Variants in ADGRV1 observed in about 807,000 individuals in gnomAD.
ADGRV1 encodes the protein adhesion G protein-coupled receptor V1, also known as G-protein coupled receptor 98.
A neutral mutation model predicts 596.2 loss-of-function variants in ADGRV1; 359 were observed. That is an observed-to-expected ratio of 0.60 (90% CI 0.55 to 0.66). The LOEUF is 0.66. Ranked by LOEUF, ADGRV1 falls within the 30% of genes least tolerant of loss-of-function variation. ADGRV1 has a pLI of 0.00. For missense variants in ADGRV1, 7,274 were observed against 7,575.6 expected, an observed-to-expected ratio of 0.96 and a Z score of 1.48; for synonymous variants, 2,681 against 2,679.2, an observed-to-expected ratio of 1.00 and a Z score of -0.02.
At chr5:90,832,756 T>A (rs942549595) in intron 77 of ADGRV1, among the ~76,000 whole-genome samples, 1 of 152,186 alleles carries the variant, frequency 6.6e-6, no homozygotes, top group Non-Finnish European at 1.5e-5. Flanking sequence ...TCCATTTTTG[T>A]TTTGATTTGA....
chr5:90,788,278 T>G lies in ADGRV1; in HGVS notation c.13861T>G (p.Leu4621Val). 6.2e-7 allele frequency: 1 copy of G among 1,613,104 alleles called. No homozygotes were observed. Among genetic ancestry groups the G allele is most frequent in the Non-Finnish European group, 8.5e-7 (1 of 1,179,202 alleles). The change falls in exon 68 of 90, where the codon TTA (leucine) becomes GTA (valine). Residue 4621 changes from leucine (L) to valine (V), a missense_variant. By Grantham distance (32) the Leu-to-Val change is conservative (BLOSUM62 1). Around this residue, in one of 5 missense-constraint regions of ADGRV1, gnomAD observed 3,643 missense variants for 3,809.2 expected, o/e 0.96. Coordinates refer to ENST00000405460, the MANE Select transcript of ADGRV1 (RefSeq NM_032119.4). ...TCATCTTGTGAAAGGAGAAGCTAAATTAGACTCCAGAGCTAAAGATGTTAC... is the reference window on the plus strand; with the variant it reads ...TCATCTTGTGAAAGGAGAAGCTAAAGTAGACTCCAGAGCTAAAGATGTTAC... The part of the protein sequence containing the change: ...KLHLVKGEAK[L>V]DSRAKDVTLT...
At chr5:91,152,487 A>G (rs1219885003) in intron 88 of ADGRV1, among the ~76,000 whole-genome samples, 1 of 152,212 alleles carries the variant, frequency 6.6e-6, no homozygotes, top group Non-Finnish European at 1.5e-5. Context: ...ACCAAAAAAA[A>G]GTATTTATTG....
chr5:90,989,870 G>A (rs1163877811), intron 85 of ADGRV1, among the ~76,000 whole-genome samples: 1 of 152,128 alleles, frequency 6.6e-6, no homozygotes, highest in Admixed American at 6.6e-5. Context: ...GGGCTGGAGT[G>A]CAATGGCGTG....
At chr5:90,629,004 C>T (rs1319136599) in intron 8 of ADGRV1, 172 bp downstream of exon 8, 4 of 708,518 alleles carry the variant, frequency 5.6e-6, no homozygotes, top group African/African-American at 3.6e-5. Context: ...AATATTTTAC[C>T]CTCTAAAAAA....
intron 81 of ADGRV1, among the ~76,000 whole-genome samples, chr5:90,854,759 G>A (rs1766863367): frequency 6.6e-6 from 1 of 152,168 alleles, no homozygotes; most frequent in African/African-American, 2.4e-5. Context: ...TGCAGGATCA[G>A]GCAGTGCTGG....
chr5:90,644,097 T>G (rs1767368523), intron 14 of ADGRV1, 114 bp downstream of exon 14: 1 of 756,406 alleles, frequency 1.3e-6, no homozygotes, highest in South Asian at 2.4e-5. Context: ...GCCTTAGAAA[T>G]TACACATAGT....
intron 67 of ADGRV1, among the ~76,000 whole-genome samples, chr5:90,784,374 A>G (rs1759194165): frequency 6.6e-6 from 1 of 152,198 alleles, no homozygotes; most frequent in Non-Finnish European, 1.5e-5. Context: ...ATACTGAGGA[A>G]CTAGATAGAC....
At chr5:90,972,347 C>T (rs1176337077) in intron 84 of ADGRV1, among the ~76,000 whole-genome samples, 11 of 152,224 alleles carry the variant, frequency 7.2e-5, no homozygotes, top group African/African-American at 2.2e-4. Context: ...CTGCACCAAG[C>T]GGATCTAATA....
chr5:90,779,760 C>T (rs1462452724), intron 64 of ADGRV1: 1 of 152,142 alleles, frequency 6.6e-6, no homozygotes, highest in Non-Finnish European at 1.5e-5. Context: ...AGAGACCTAC[C>T]AGCATCTCTG....
intron 1 of ADGRV1, among the ~76,000 whole-genome samples, chr5:90,591,523 AG>A (rs1439173610): frequency 1.1e-4 from 17 of 152,196 alleles, no homozygotes; most frequent in Admixed American, 1.0e-3. Context: ...TTTAAATTGT[AG>A]GGGGGTTAAG....
chr5:90,562,891 G>C (rs565155602), intron 1 of ADGRV1, among the ~76,000 whole-genome samples: 56 of 152,166 alleles, frequency 3.7e-4, no homozygotes, highest in African/African-American at 9.4e-4. Context: ...ATGTTTTCTG[G>C]TTATTTTAAT....
At chr5:90,826,823 T>C (rs1764115843) in intron 76 of ADGRV1, among the ~76,000 whole-genome samples, 1 of 152,196 alleles carries the variant, frequency 6.6e-6, no homozygotes, top group Non-Finnish European at 1.5e-5. Context: ...CTGTCCTATC[T>C]CAGATTATCA....
At chr5:91,028,192 G>C (rs1784179121) in intron 85 of ADGRV1, among the ~76,000 whole-genome samples, 2 of 152,044 alleles carry the variant, frequency 1.3e-5, no homozygotes, top group Non-Finnish European at 2.9e-5. Context: ...CTGAGTCATG[G>C]TTTAGGAAAG....
intron 85 of ADGRV1, among the ~76,000 whole-genome samples, chr5:91,029,197 G>A (rs756195562): frequency 2.0e-5 from 3 of 151,940 alleles, no homozygotes; most frequent in Non-Finnish European, 4.4e-5. Flanking sequence ...AATTGATGGA[G>A]CGAGACTCCG....
chr5:91,013,952 T>C (rs558376915), intron 85 of ADGRV1, among the ~76,000 whole-genome samples: 34 of 152,158 alleles, frequency 2.2e-4, no homozygotes, highest in African/African-American at 7.7e-4. Flanking sequence ...GCACCATTTA[T>C]TGAATAGGGA....
chr5:91,159,532 T>C (rs964875198), intron 89 of ADGRV1, among the ~76,000 whole-genome samples: 2 of 152,164 alleles, frequency 1.3e-5, no homozygotes, highest in Admixed American at 1.3e-4. Flanking sequence ...ACTATTGACG[T>C]TTTAAGTTTT....
chr5:90,826,187 A>G (rs1163969886), intron 76 of ADGRV1, among the ~76,000 whole-genome samples: 1 of 152,206 alleles, frequency 6.6e-6, no homozygotes, highest in Admixed American at 6.5e-5. Context: ...AGTTCAAATT[A>G]TTATTATGTC....
intron 87 of ADGRV1, among the ~76,000 whole-genome samples, chr5:91,129,763 T>A (rs1794056582): frequency 6.6e-6 from 1 of 152,206 alleles, no homozygotes; most frequent in Non-Finnish European, 1.5e-5. Context: ...ATACTTTATT[T>A]GACATGATCC....
At chr5:91,163,728 G>A in intron 89 of ADGRV1, 54 bp from the exon 90 acceptor site, 1 of 692,604 alleles carries the variant, frequency 1.4e-6, no homozygotes, top group Non-Finnish European at 2.5e-6. Flanking sequence ...TGATTCTTAA[G>A]AATTCACTGC....
Sources: allele counts gnomAD v4.1 joint callset (sites outside exome capture counted in the v4.1 genomes callset), GRCh38; gene constraint gnomAD v4.1.1; regional missense constraint gnomAD v4.1.1; transcripts MANE v1.5; gene names NCBI Gene and HGNC (gene_info 2026-07-23, HGNC 2026-07-21).